The following INPPL1 variants were observed in gnomAD, a reference collection of about 807,000 sequenced individuals.
The protein encoded by INPPL1 is inositol polyphosphate phosphatase like 1.
A neutral mutation model predicts 139.3 loss-of-function variants in INPPL1; 91 were observed. The observed-to-expected ratio is 0.65, with a 90% CI of 0.55 to 0.78. INPPL1 has a LOEUF of 0.78. Ranked by LOEUF, INPPL1 falls within the 30% of genes least tolerant of loss-of-function variation. The pLI is 0.00. For synonymous variants in INPPL1, 719 were observed against 686.6 expected, an observed-to-expected ratio of 1.05 and a Z score of -0.74; for missense variants, 1,411 against 1,665.6, an observed-to-expected ratio of 0.85 and a Z score of 2.66.
Position 72,237,432 on chromosome 11 carries a change from T to C in INPPL1, c.3188T>C (p.Ile1063Thr). The C allele has an allele frequency of 6.2e-7, 1 of 1,610,942 alleles. No homozygotes were observed. Among genetic ancestry groups the C allele is most frequent in the Non-Finnish European group, 8.5e-7 (1 of 1,177,894 alleles). The change falls in exon 26 of 28, where the codon ATC becomes ACC. Residue 1063 changes from isoleucine (I) to threonine (T), a missense_variant. Physicochemically the swap from Ile to Thr is moderately conservative, Grantham distance 89 (BLOSUM62 -1). Coordinates refer to ENST00000298229, the MANE Select transcript of INPPL1 (RefSeq NM_001567.4). ...FPPPPLPDSA[I>T]FLPPSLDPLP... ...CCTCCACCACTGCCGGACTCAGCCA[T>C]CTTCCTGCCCCCCAGCCTGGATCCT...
chr11:72,235,782 T>C lies in INPPL1; in HGVS notation c.2738+29T>C, dbSNP rs1412706146. The C allele has an allele frequency of 1.9e-6, 3 of 1,613,848 alleles. No homozygotes were observed. The highest frequency in any genetic ancestry group is 2.2e-5 in the East Asian group (1 of 44,888). ...AGCTAGGGCTGTGTTGAATGTCATA[T>C]GAAAGGGTACCTGGGGGCATCTGGT... is the stretch of plus-strand genomic sequence containing the variant. On this transcript the variant is annotated intron_variant, in intron 24 of 27. Transcript: ENST00000298229. The surrounding 1 kb of genome is among the most constrained non-coding windows in gnomAD (Gnocchi z 4.9).
chr11:72,229,428 C>G (rs575979068), intron 5 of INPPL1, 37 bp from the exon 6 acceptor site: 2 of 1,583,870 alleles, frequency 1.3e-6, no homozygotes, highest in East Asian at 2.2e-5. Context: ...ATACTTAGGT[C>G]GGGGTGGGAG....
chr11:72,238,395 T>G lies in INPPL1; in HGVS notation c.*42T>G. The G allele has an allele frequency of 1.3e-6, 2 of 1,483,560 alleles. No homozygotes were observed. The highest frequency in any genetic ancestry group is 1.8e-6 in the Non-Finnish European group (2 of 1,110,852). The allele number at this position is 1,483,560 out of a possible 1,614,324, so 91.9% of individuals were successfully genotyped here. On this transcript the variant is annotated 3_prime_UTR_variant, in exon 28 of 28. Coordinates refer to ENST00000298229, the MANE Select transcript of INPPL1 (RefSeq NM_001567.4). ...AAGCTGTGAACTCAGAGCCCCTCCC[T>G]GCTACCAAGGCCCAGCTATGGCCCC...
chr11:72,229,222 G>T lies in INPPL1; in HGVS notation c.651G>T (p.Arg217Ser). The change falls in exon 5 of 28, where the codon AGG becomes AGT. Residue 217 changes from arginine to serine, a missense_variant. Transcript: ENST00000298229. Reference protein sequence around the residue: ...LTRTLATSCRRLHSEVDKVLS... With the variant: ...LTRTLATSCRSLHSEVDKVLS... The stretch of plus-strand genomic sequence containing the variant: ...GTACCCTCGCTACCTCATGCCGGAG[G>T]CTGCACAGGTATCTGGGACATCCAG... 1 of 1,608,708 alleles carries T rather than the reference G, an allele frequency of 6.2e-7. No individual in the cohort carries two copies. The highest frequency in any genetic ancestry group is 8.5e-7 in the Non-Finnish European group (1 of 1,177,084).
In INPPL1 at chr11:72,237,140, G is replaced by A; in HGVS notation, c.2896G>A (p.Ala966Thr). The A allele has an allele frequency of 6.3e-7, 1 of 1,589,492 alleles. No homozygotes were observed. Among genetic ancestry groups the A allele is most frequent in the African/African-American group, 1.3e-5 (1 of 74,374 alleles). ...CACACCCAGGTTGAAGCCAGAGGGA[G>A]CTCCTGAACCAGAAGGGGTGGCGGC... ...PLTPRLKPEG[A>T]PEPEGVAAPP... The change falls in exon 26 of 28, where the codon GCT becomes ACT. Residue 966 changes from alanine to threonine, a missense_variant. Coordinates refer to ENST00000298229, the MANE Select transcript of INPPL1 (RefSeq NM_001567.4).
chr11:72,238,032 G>A lies in INPPL1; in HGVS notation c.3553-10G>A, dbSNP rs776592930. On this transcript the variant is annotated splice_polypyrimidine_tract_variant and intron_variant, in intron 26 of 27. Coordinates refer to ENST00000298229, the MANE Select transcript of INPPL1 (RefSeq NM_001567.4). Reference sequence around the variant, plus strand: ...CACTCAGCTCCCCCTGACATGCCCTGTTTCCTTAGGCTCCGTGCCTGCAGG... The same window carrying A: ...CACTCAGCTCCCCCTGACATGCCCTATTTCCTTAGGCTCCGTGCCTGCAGG... 4 of 1,532,378 alleles carry A rather than the reference G, an allele frequency of 2.6e-6. No individual in the cohort carries two copies. The highest frequency in any genetic ancestry group is 1.3e-5 in the South Asian group (1 of 77,682). 94.9% of individuals were successfully genotyped at this position (1,532,378 alleles called of 1,614,324 possible). A position where few individuals can be genotyped will look rare whatever the true frequency, so the allele number is the denominator to read the frequency against.
rs570204792 is a variant in INPPL1 at position 72,234,072 on chromosome 11, G to T, written c.2213-209G>T. Among the ~76,000 whole-genome samples the T allele has an allele frequency of 5.4e-4, 82 of 152,268 alleles. No homozygotes were observed. The highest frequency in any genetic ancestry group is 1.9e-3 in the African/African-American group (79 of 41,566). On this transcript the variant is annotated intron_variant, in intron 19 of 27. Coordinates refer to ENST00000298229, the MANE Select transcript of INPPL1 (RefSeq NM_001567.4). The surrounding 1 kb of genome is among the most constrained non-coding windows in gnomAD (Gnocchi z 4.2). ...TGGTCCCCAGCACCCTCTTCAATGGGTTTTTTATCCTTGGGTTGTCTCTTT... is the reference window on the plus strand; with the variant it reads ...TGGTCCCCAGCACCCTCTTCAATGGTTTTTTTATCCTTGGGTTGTCTCTTT...
intron 8 of INPPL1, 39 bp from the exon 9 acceptor site, chr11:72,230,082 T>C (rs1220862044): frequency 6.2e-7 from 1 of 1,612,836 alleles, no homozygotes; most frequent in East Asian, 2.2e-5. Flanking sequence ...TGCTGCCTAC[T>C]CCAAGGTCTT....
rs368817173 is a variant in INPPL1, at chr11:72,237,804, G to C, written c.3552+8G>C. On this transcript the variant is annotated splice_region_variant and intron_variant, in intron 26 of 27. Coordinates refer to ENST00000298229, the MANE Select transcript of INPPL1 (RefSeq NM_001567.4). ...GAAGACCTGGCAGAGGAGGTGTGTG[G>C]AGCAGGGTGGCTGTCTGTGTGTGCC... 5.7e-5 allele frequency: 91 copies of C among 1,591,232 alleles called. No homozygotes were observed. In the African/African-American group the frequency reaches 1.1e-3, roughly 19 times the overall value.
At chr11:72,232,385 T>A (rs765748207) in intron 14 of INPPL1, 49 bp downstream of exon 14, 50 of 1,488,846 alleles carry the variant, frequency 3.4e-5, no homozygotes, top group Non-Finnish European at 4.3e-5. Context: ...CCCATTCACC[T>A]GAGGCCTGTT....
intron 1 of INPPL1, chr11:72,227,780 G>A (rs1443417964): frequency 1.8e-5 from 5 of 270,950 alleles, no homozygotes; most frequent in Non-Finnish European, 3.6e-5. Context: ...GCATACACAC[G>A]TGTTAGCACG....
In INPPL1 at chr11:72,231,563, T is replaced by C. The variant is rs1284458932; in HGVS notation, c.1563T>C (p.Arg521=). The C allele has an allele frequency of 1.2e-6, 2 of 1,613,880 alleles. No individual in the cohort carries two copies. Among genetic ancestry groups the C allele is most frequent in the Non-Finnish European group, 1.7e-6 (2 of 1,180,030 alleles). ...AVLVKPEHEN[R]ISHVSTSSVK... is the part of the protein sequence containing the mutation. ...TGGTCAAGCCAGAGCACGAGAACCG[T>C]ATCAGCCATGTCAGTACGTCCAGTG... The change falls in exon 13 of 28, where the codon CGT becomes CGC. Residue 521 remains arginine, a synonymous_variant. Transcript: ENST00000298229.
chr11:72,231,374 C>T lies in INPPL1; in HGVS notation c.1498-124C>T, dbSNP rs868243760. On this transcript the variant is annotated intron_variant, in intron 12 of 27. Coordinates refer to ENST00000298229, the MANE Select transcript of INPPL1 (RefSeq NM_001567.4). ...CGAGAGGAACCATTTCTCTCCAGTC[C>T]GTCAGGAAGAGGGGTGGCAAGCCTT... The T allele has an allele frequency of 4.3e-5, 40 of 940,498 alleles. No individual in the cohort carries two copies. In the East Asian group the frequency reaches 5.3e-4, roughly 13 times the overall value. 58.3% of individuals were successfully genotyped at this position (940,498 alleles called of 1,614,324 possible).
Position 72,236,555 on chromosome 11 carries a change from G to A in INPPL1, c.2879+569G>A, listed in dbSNP as rs117181750. On this transcript the variant is annotated intron_variant, in intron 25 of 27. Transcript: ENST00000298229. ...TATTTTCCATGTAGTAACTATTAAC[G>A]TTCTGGGGAATTAGTGCTCTGTGTC... 9.8e-3 allele frequency among the ~76,000 whole-genome samples: 1,500 copies of A among 152,324 alleles called. 10 individuals are homozygous for A. The highest frequency in any genetic ancestry group is 0.015 in the Non-Finnish European group (1,006 of 68,028).
At chr11:72,233,854 AC>A in intron 19 of INPPL1, 110 bp downstream of exon 19, 1 of 841,250 alleles carries the variant, frequency 1.2e-6, no homozygotes, top group Non-Finnish European at 2.0e-6. Context: ...GGGTGTGTGT[AC>A]CAGTGAGTGC....
At chr11:72,230,723 C>T in intron 10 of INPPL1, 73 bp from the exon 11 acceptor site, 1 of 1,279,676 alleles carries the variant, frequency 7.8e-7, no homozygotes, top group Non-Finnish European at 1.1e-6. Context: ...CATGAGCCAA[C>T]TGGCAGGGTA....
rs1208812134 is a variant in INPPL1 at position 72,235,571 on chromosome 11, G to A, written c.2660-104G>A. Reference sequence around the variant, plus strand: ...GGTTCTGCAGCCACAGCTGGGAATAGTCCTGCCCCAAGGCATAGCTGGGAA... The same window carrying A: ...GGTTCTGCAGCCACAGCTGGGAATAATCCTGCCCCAAGGCATAGCTGGGAA... On this transcript the variant is annotated intron_variant, in intron 23 of 27. Transcript: ENST00000298229. The surrounding 1 kb of genome is among the most constrained non-coding windows in gnomAD (Gnocchi z 4.9). 1.3e-6 allele frequency: 2 copies of A among 1,570,790 alleles called. No individual in the cohort carries two copies. The highest frequency in any genetic ancestry group is 1.1e-5 in the South Asian group (1 of 86,964).
chr11:72,229,247 G>GC lies in INPPL1; in HGVS notation c.659+21dup. ...GCTGCACAGGTATCTGGGACATCCA[G>GC]CCCCATGTATTACACCCTTACCTCT... On this transcript the variant is annotated intron_variant, in intron 5 of 27. Coordinates refer to ENST00000298229, the MANE Select transcript of INPPL1 (RefSeq NM_001567.4). 1 of 1,595,758 alleles carries GC rather than the reference G, an allele frequency of 6.3e-7. No individual in the cohort carries two copies.
chr11:72,229,490 C>T lies in INPPL1; in HGVS notation c.685C>T (p.Leu229=), dbSNP rs1399373431. 1 of 1,614,014 alleles carries T rather than the reference C, an allele frequency of 6.2e-7. No individual in the cohort carries two copies. The highest frequency in any genetic ancestry group is 2.2e-5 in the East Asian group (1 of 44,890). Residue 229 remains leucine, a synonymous_variant, in exon 6 of 28, where the codon CTG becomes TTG. Coordinates refer to ENST00000298229, the MANE Select transcript of INPPL1 (RefSeq NM_001567.4). The part of the protein sequence containing the change: ...HSEVDKVLSG[L]EILSKVFDQQ... ...TGAGGTGGACAAGGTCCTGTCAGGC[C>T]TGGAGATCCTGTCCAAGGTGTTTGA...
Sources: allele counts gnomAD v4.1 joint callset (sites outside exome capture counted in the v4.1 genomes callset), GRCh38; gene constraint gnomAD v4.1.1; non-coding constraint Gnocchi (gnomAD v3.1); transcripts MANE v1.5; gene names NCBI Gene and HGNC (gene_info 2026-07-23, HGNC 2026-07-21).